Variants in PRKN observed in about 807,000 individuals in gnomAD.
PRKN encodes the protein E3 ubiquitin-protein ligase parkin.
In PRKN, 56 loss-of-function variants were observed where a neutral mutation model predicts 59.5. The ratio of observed to expected loss-of-function variants is 0.94; its 90% CI spans 0.76 to 1.18. The LOEUF (loss-of-function observed/expected upper bound fraction) is 1.18. Among genes scored for constraint, PRKN ranks in the 50% most tolerant of loss-of-function variants. The probability of loss-of-function intolerance (pLI) is 0.00; values close to 1 mark genes in which losing one functional copy is unlikely to be tolerated. For synonymous variants in PRKN, 250 were observed against 222.1 expected (o/e 1.13, Z -1.12); for missense variants, 657 against 596.4 (o/e 1.10, Z -1.06).
At chr6:161,926,331 T>C (rs543213206) in intron 6 of PRKN, among the ~76,000 whole-genome samples, 16 of 152,152 alleles carry the variant, frequency 1.1e-4, no homozygotes, top group Non-Finnish European at 2.4e-4. Context: ...TGAGTGATGA[T>C]TCCTTTGTAG....
At chr6:161,840,365 C>A (rs1243679396) in intron 6 of PRKN, among the ~76,000 whole-genome samples, 1 of 152,222 alleles carries the variant, frequency 6.6e-6, no homozygotes, top group Non-Finnish European at 1.5e-5. Context: ...TAGGGGGCAG[C>A]CTGCCCTGGA....
intron 6 of PRKN, among the ~76,000 whole-genome samples, chr6:161,885,419 C>T (rs1211895945): frequency 2.6e-5 from 4 of 152,108 alleles, no homozygotes; most frequent in African/African-American, 9.7e-5. Flanking sequence ...AATCCCAGCA[C>T]TTTGGGAGGC....
In PRKN at chr6:161,352,771, A is replaced by ATATATTTTTTTT. The variant is rs34279714; in HGVS notation, c.1286-2561_1286-2560insAAAAAAAATATA. ...TGTGTGTGTGTATATATATATATAT[A>ATATATTTTTTTT]TTTTATTTTATTTTATTTTATTTTT... On this transcript the variant is annotated intron_variant, in intron 11 of 11. Coordinates refer to ENST00000366898, the MANE Select transcript of PRKN (RefSeq NM_004562.3). The surrounding 1 kb of genome is among the most constrained non-coding windows in gnomAD (Gnocchi z 5.8). Among the ~76,000 whole-genome samples the ATATATTTTTTTT allele has an allele frequency of 1.7e-3, 194 of 116,882 alleles. 1 individual carries two copies. The highest frequency in any genetic ancestry group is 5.0e-3 in the South Asian group (20 of 3,978). The allele number at this position is 116,882 out of a possible 152,430, so 76.7% of individuals were successfully genotyped here. A position where few individuals can be genotyped will look rare whatever the true frequency, so the allele number is the denominator to read the frequency against.
intron 8 of PRKN, among the ~76,000 whole-genome samples, chr6:161,553,964 A>C (rs1780136718): frequency 6.6e-6 from 1 of 152,238 alleles, no homozygotes; most frequent in Admixed American, 6.5e-5. Context: ...TTTTAAAAGA[A>C]GCACTGCTTC....
chr6:162,113,870 C>A (rs1339523768), intron 4 of PRKN, among the ~76,000 whole-genome samples: 1 of 151,988 alleles, frequency 6.6e-6, no homozygotes, highest in African/African-American at 2.4e-5. Context: ...AGTCTTTAAT[C>A]CATCTTGAAT....
At chr6:162,449,169 G>A (rs1413563272) in intron 1 of PRKN, among the ~76,000 whole-genome samples, 1 of 152,118 alleles carries the variant, frequency 6.6e-6, no homozygotes, top group Non-Finnish European at 1.5e-5. Context: ...TTACAGGCAT[G>A]AGCCACCACA....
At chr6:161,421,482 T>A (rs948742861) in intron 9 of PRKN, among the ~76,000 whole-genome samples, 1 of 152,194 alleles carries the variant, frequency 6.6e-6, no homozygotes, top group Non-Finnish European at 1.5e-5. Flanking sequence ...CACTAAAAAT[T>A]AAGCAGGACC....
chr6:161,999,944 C>G (rs1224606093), intron 5 of PRKN, among the ~76,000 whole-genome samples: 1 of 152,012 alleles, frequency 6.6e-6, no homozygotes, highest in Non-Finnish European at 1.5e-5. Flanking sequence ...TAACAAGATG[C>G]TTATATTAAT....
At chr6:162,531,552 G>C (rs898338475) in intron 1 of PRKN, among the ~76,000 whole-genome samples, 2 of 152,036 alleles carry the variant, frequency 1.3e-5, no homozygotes, top group Admixed American at 1.3e-4. Context: ...CCTGCATTCA[G>C]TCAGTTCCTA....
intron 7 of PRKN, among the ~76,000 whole-genome samples, chr6:161,603,268 C>T (rs147044821): frequency 6.6e-6 from 1 of 152,310 alleles, no homozygotes; most frequent in East Asian, 1.9e-4. Flanking sequence ...AACTCAGACT[C>T]ATTTCCTATG....
chr6:162,271,036 T>G (rs1403619338), intron 2 of PRKN, among the ~76,000 whole-genome samples: 3 of 149,660 alleles, frequency 2.0e-5, no homozygotes, highest in Non-Finnish European at 4.4e-5. Flanking sequence ...TTTTTTTTTT[T>G]TGTAGAGATG....
chr6:162,048,575 C>T (rs1419308624), intron 5 of PRKN, among the ~76,000 whole-genome samples: 3 of 151,942 alleles, frequency 2.0e-5, no homozygotes, highest in Admixed American at 2.0e-4. Context: ...ACACACATCC[C>T]CCAGTACACA....
chr6:162,026,199 C>T (rs1050435576), intron 5 of PRKN, among the ~76,000 whole-genome samples: 14 of 152,288 alleles, frequency 9.2e-5, no homozygotes, highest in African/African-American at 1.4e-4. Flanking sequence ...TCCGCAACTC[C>T]GTGAAGACAG....
At chr6:161,620,943 G>C (rs1782873474) in intron 7 of PRKN, among the ~76,000 whole-genome samples, 1 of 152,166 alleles carries the variant, frequency 6.6e-6, no homozygotes, top group Non-Finnish European at 1.5e-5. Flanking sequence ...CAGTGAGATG[G>C]AGGATAGGCT....
chr6:161,874,953 C>G (rs1270151579), intron 6 of PRKN, among the ~76,000 whole-genome samples: 10 of 71,546 alleles, frequency 1.4e-4, no homozygotes, highest in Admixed American at 7.6e-4. Context: ...ATTATAGGTA[C>G]TTTATATATA....
chr6:162,544,672 A>ATTTTT (rs11296683), intron 1 of PRKN, among the ~76,000 whole-genome samples: 6 of 71,498 alleles, frequency 8.4e-5, no homozygotes, highest in South Asian at 6.4e-4. Context: ...TTTATTGTTG[A>ATTTTT]TTTTTTTTTT....
At chr6:161,629,801 G>A (rs1342257438) in intron 7 of PRKN, among the ~76,000 whole-genome samples, 1 of 152,170 alleles carries the variant, frequency 6.6e-6, no homozygotes, top group African/African-American at 2.4e-5. Flanking sequence ...GAGTGGAGCA[G>A]ACCTAAAATC....
At chr6:162,723,181 C>A (rs1562526288) in intron 1 of PRKN, among the ~76,000 whole-genome samples, 1 of 152,174 alleles carries the variant, frequency 6.6e-6, no homozygotes, top group South Asian at 2.1e-4. Context: ...TGTGTTCCCT[C>A]GTTTCCCTGG....
At chr6:162,335,442 G>A (rs1783799118) in intron 2 of PRKN, among the ~76,000 whole-genome samples, 1 of 152,116 alleles carries the variant, frequency 6.6e-6, no homozygotes, top group Non-Finnish European at 1.5e-5. Flanking sequence ...AACACTCATG[G>A]GTTGCACTTT....
Sources: gnomAD v4.1 joint callset for allele counts (sites outside exome capture counted in the v4.1 genomes callset) on GRCh38, gnomAD v4.1.1 for gene constraint, Gnocchi (gnomAD v3.1) non-coding constraint, MANE v1.5 for transcripts, NCBI Gene and HGNC (gene_info 2026-07-23, HGNC 2026-07-21) for gene names.